Variants in SCLT1 observed in about 807,000 individuals in gnomAD.
SCLT1 encodes the protein sodium channel and clathrin linker 1, also known as sodium channel-associated protein 1.
Under a neutral mutation model 112.8 loss-of-function variants are expected in SCLT1, and 78 were observed. The observed-to-expected ratio is 0.69, with a 90% CI of 0.58 to 0.83. The LOEUF (loss-of-function observed/expected upper bound fraction) is 0.83. Ranked by LOEUF, SCLT1 falls within the 40% of genes least tolerant of loss-of-function variation. SCLT1 has a pLI of 0.00. For missense variants in SCLT1, 747 were observed against 770.4 expected (o/e 0.97, Z 0.36); for synonymous variants, 257 against 254.7 (o/e 1.01, Z -0.09).
chr4:128,954,453 A>G (rs908900309), intron 13 of SCLT1, among the ~76,000 whole-genome samples: 1 of 151,616 alleles, frequency 6.6e-6, no homozygotes, highest in African/African-American at 2.4e-5. Context: ...AGCTGGGACT[A>G]CAGGCACCTG....
At chr4:129,060,693 T>C (rs918289691) in intron 2 of SCLT1, among the ~76,000 whole-genome samples, 10 of 152,280 alleles carry the variant, frequency 6.6e-5, no homozygotes, top group African/African-American at 2.4e-4. Flanking sequence ...TCAAGTATTC[T>C]TGGGGTCCTC....
intron 18 of SCLT1, among the ~76,000 whole-genome samples, chr4:128,926,470 A>G (rs114912707): frequency 0.012 from 1,770 of 152,276 alleles, 23 homozygotes; most frequent in Middle Eastern, 0.02. Context: ...CCCAGCAAAA[A>G]TATCTTTCAA....
At chr4:129,018,368 G>A (rs1017122521) in intron 5 of SCLT1, among the ~76,000 whole-genome samples, 6 of 152,156 alleles carry the variant, frequency 3.9e-5, no homozygotes, top group South Asian at 2.1e-4. Flanking sequence ...ATTTAATTAC[G>A]TATGCCTCAA....
intron 18 of SCLT1, among the ~76,000 whole-genome samples, chr4:128,910,431 C>T (rs1037651858): frequency 6.6e-6 from 1 of 152,210 alleles, no homozygotes; most frequent in East Asian, 1.9e-4. Context: ...AGTTCACATA[C>T]TTTGTCCATC....
intron 5 of SCLT1, chr4:128,873,427 T>C (rs1240719310): frequency 6.6e-6 from 1 of 152,644 alleles, no homozygotes; most frequent in African/African-American, 2.4e-5. Context: ...TGAATAGGTT[T>C]TCTGTAGTCA....
At position 129,028,589 on chromosome 4, in the gene SCLT1, T is replaced by G. The variant is rs560642423; in HGVS notation, c.290+10452A>C. Among the ~76,000 whole-genome samples, 577 of 152,156 alleles carry G rather than the reference T, an allele frequency of 3.8e-3. 1 individual carries two copies. The highest frequency in any genetic ancestry group is 6.1e-3 in the Non-Finnish European group (414 of 67,978). On this transcript the variant is annotated intron_variant, in intron 5 of 20. Coordinates refer to ENST00000281142, the MANE Select transcript of SCLT1 (RefSeq NM_144643.4). ...CATAAAAACCCTAGAAGAAAACCTA[T>G]GCATTACCATTCAAGACATAGGTAT...
chr4:129,031,942 G>GA (rs1397953096), intron 5 of SCLT1, among the ~76,000 whole-genome samples: 9 of 152,072 alleles, frequency 5.9e-5, no homozygotes, highest in African/African-American at 1.2e-4. Context: ...CACAGAATTA[G>GA]AAAAAACACT....
At chr4:129,024,249 T>TCTGACCCCTGACCC (rs567548395) in intron 5 of SCLT1, among the ~76,000 whole-genome samples, 2 of 152,286 alleles carry the variant, frequency 1.3e-5, no homozygotes, top group African/African-American at 4.8e-5. Flanking sequence ...CAAGTGGGTC[T>TCTGACCCCTGACCC]CTGACCCCTG....
At position 128,878,155 on chromosome 4, in the gene SCLT1, A is replaced by C. The variant is rs577257153; in HGVS notation, n.226-1519T>G. On this transcript the variant is annotated intron_variant and non_coding_transcript_variant, in intron 3 of 7. Coordinates refer to the SCLT1 transcript ENST00000503565. ...CCAAGTCGGCATTTTTGTGATATGA[A>C]GTATAATAAATCCAGTTATTTTTAC... Among the ~76,000 whole-genome samples the C allele has an allele frequency of 2.0e-5, 3 of 152,318 alleles. No individual in the cohort carries two copies. In the East Asian group the frequency reaches 5.8e-4, roughly 29 times the overall value.
intron 2 of SCLT1, among the ~76,000 whole-genome samples, chr4:129,075,874 AT>A (rs930731006): frequency 3.9e-5 from 6 of 152,048 alleles, no homozygotes; most frequent in South Asian, 4.2e-4. Flanking sequence ...TCAAATAACT[AT>A]TTTTTTATGA....
At chr4:129,063,654 T>G (rs1750199579) in intron 2 of SCLT1, among the ~76,000 whole-genome samples, 1 of 152,136 alleles carries the variant, frequency 6.6e-6, no homozygotes, top group African/African-American at 2.4e-5. Flanking sequence ...AGGTTAGGCA[T>G]CCCAAGCAGC....
At chr4:128,884,856 AG>A (rs1164662456) in intron 20 of SCLT1, among the ~76,000 whole-genome samples, 1 of 152,152 alleles carries the variant, frequency 6.6e-6, no homozygotes, top group Admixed American at 6.6e-5. Context: ...TACGTTGCCC[AG>A]ACCAGCCTTG....
intron 15 of SCLT1, among the ~76,000 whole-genome samples, chr4:128,947,822 T>C (rs1738309135): frequency 6.6e-6 from 1 of 152,156 alleles, no homozygotes; most frequent in Admixed American, 6.5e-5. Context: ...TTCTAAAAGG[T>C]AAAAATCATA....
At chr4:129,010,502 G>C (rs1394171687) in intron 5 of SCLT1, among the ~76,000 whole-genome samples, 1 of 152,122 alleles carries the variant, frequency 6.6e-6, no homozygotes, top group African/African-American at 2.4e-5. Context: ...AAATTGCTCT[G>C]GGCAGTATGA....
chr4:129,059,806 G>T (rs1425040676), intron 2 of SCLT1, among the ~76,000 whole-genome samples: 1 of 152,092 alleles, frequency 6.6e-6, no homozygotes. Context: ...TTGAAAATTT[G>T]TCTGTAATAT....
At chr4:129,024,724 G>C (rs1745862046) in intron 5 of SCLT1, among the ~76,000 whole-genome samples, 1 of 152,214 alleles carries the variant, frequency 6.6e-6, no homozygotes, top group African/African-American at 2.4e-5. Flanking sequence ...GTTGAGAGAA[G>C]AAGGCTTCAG....
At chr4:129,002,674 T>C (rs182186986) in intron 6 of SCLT1, among the ~76,000 whole-genome samples, 7 of 151,828 alleles carry the variant, frequency 4.6e-5, no homozygotes, top group African/African-American at 1.7e-4. Context: ...GCAACAAACA[T>C]ATGAAAAAAA....
intron 8 of SCLT1, among the ~76,000 whole-genome samples, chr4:128,992,942 T>C (rs1193331260): frequency 6.6e-6 from 1 of 151,980 alleles, no homozygotes; most frequent in African/African-American, 2.4e-5. Context: ...ACAAATTCCT[T>C]ATCCCTTTTC....
intron 18 of SCLT1, among the ~76,000 whole-genome samples, chr4:128,896,719 C>T (rs1316395780): frequency 2.0e-5 from 3 of 152,074 alleles, no homozygotes; most frequent in Non-Finnish European, 4.4e-5. Context: ...GACGATCAAA[C>T]TACTCCCAGC....
Sources: gnomAD v4.1 joint callset for allele counts (sites outside exome capture counted in the v4.1 genomes callset) on GRCh38, gnomAD v4.1.1 for gene constraint, MANE v1.5 for transcripts, NCBI Gene and HGNC (gene_info 2026-07-23, HGNC 2026-07-21) for gene names.